KAT2B: variants seen among roughly 807,000 people sequenced by gnomAD.
KAT2B encodes histone acetyltransferase KAT2B.
Under a neutral mutation model 105.9 loss-of-function variants are expected in KAT2B, and 36 were observed. The ratio of observed to expected loss-of-function variants is 0.34; its 90% CI spans 0.26 to 0.45. The LOEUF (loss-of-function observed/expected upper bound fraction) is 0.45. Among genes scored for constraint, KAT2B ranks in the 20% least tolerant of loss-of-function variants. The probability of loss-of-function intolerance (pLI) is 1.00; values close to 1 mark genes in which losing one functional copy is unlikely to be tolerated. For missense variants in KAT2B, 820 were observed against 1,021.6 expected (o/e 0.80, Z 2.69); for synonymous variants, 397 against 377.9 (o/e 1.05, Z -0.59).
At chr3:20,101,169 G>T in intron 4 of KAT2B, 118 bp from the exon 5 acceptor site, 1 of 759,224 alleles carries the variant, frequency 1.3e-6, no homozygotes, top group South Asian at 2.0e-5. Context: ...AGAGATTTTT[G>T]TGAATAGAGA....
At chr3:20,077,520 T>C (rs1698440207) in intron 2 of KAT2B, among the ~76,000 whole-genome samples, 1 of 152,242 alleles carries the variant, frequency 6.6e-6, no homozygotes, top group African/African-American at 2.4e-5. Flanking sequence ...TGAGATATAC[T>C]GTAAGTGTAA....
At chr3:20,046,543 A>C (rs1344394626) in intron 1 of KAT2B, among the ~76,000 whole-genome samples, 1 of 152,186 alleles carries the variant, frequency 6.6e-6, no homozygotes, top group Non-Finnish European at 1.5e-5. Flanking sequence ...AGATCATGCC[A>C]CTGCACTAGA....
chr3:20,111,491 G>A, intron 5 of KAT2B, 105 bp from the exon 6 acceptor site: 1 of 948,448 alleles, frequency 1.1e-6, no homozygotes, highest in Non-Finnish European at 1.6e-6. Context: ...TGCAGGCCTA[G>A]TTTTTTTCTG....
intron 3 of KAT2B, among the ~76,000 whole-genome samples, chr3:20,097,332 T>C (rs1284344692): frequency 3.3e-5 from 5 of 152,256 alleles, no homozygotes; most frequent in Middle Eastern, 6.8e-3. Flanking sequence ...TTAAAGTACA[T>C]CTTCTCTCTC....
At chr3:20,134,567 C>G (rs1699568721) in intron 11 of KAT2B, among the ~76,000 whole-genome samples, 1 of 152,128 alleles carries the variant, frequency 6.6e-6, no homozygotes, top group Non-Finnish European at 1.5e-5. Flanking sequence ...TGCCACCACG[C>G]CCAGCTAATT....
intron 4 of KAT2B, 40 bp from the exon 5 acceptor site, chr3:20,101,247 T>C (rs1698904366): frequency 5.8e-6 from 9 of 1,561,110 alleles, no homozygotes; most frequent in Non-Finnish European, 7.9e-6. Flanking sequence ...TTAGTATGAT[T>C]GCATAGCTGC....
chr3:20,114,906 A>G lies in KAT2B; in HGVS notation c.1068A>G (p.Glu356=). Residue 356 remains glutamate, a synonymous_variant, in exon 7 of 18, where the codon GAA becomes GAG. Transcript: ENST00000263754. ...FPKFLSMLEE[E]VYSQNSPIWD... is the part of the protein sequence containing the mutation. Reference sequence around the variant, plus strand: ...GATTTCTGTCCATGCTAGAAGAAGAAGTATATAGTCAAAACTCTCCCATCT... The same window carrying G: ...GATTTCTGTCCATGCTAGAAGAAGAGGTATATAGTCAAAACTCTCCCATCT... 6.2e-7 allele frequency: 1 copy of G among 1,608,744 alleles called. No homozygotes were observed. The highest frequency in any genetic ancestry group is 8.5e-7 in the Non-Finnish European group (1 of 1,175,346).
intron 4 of KAT2B, among the ~76,000 whole-genome samples, chr3:20,100,642 T>A (rs895401889): frequency 5.3e-5 from 8 of 152,228 alleles, no homozygotes; most frequent in Non-Finnish European, 8.8e-5. Flanking sequence ...CAGTTTTCAG[T>A]AAATTTTATT....
chr3:20,077,990 C>CA (rs888612113), intron 2 of KAT2B, among the ~76,000 whole-genome samples: 14 of 152,128 alleles, frequency 9.2e-5, no homozygotes, highest in Admixed American at 7.2e-4. Context: ...TCTTGGGCAA[C>CA]ATGGCGAAAC....
intron 1 of KAT2B, among the ~76,000 whole-genome samples, chr3:20,047,213 C>A (rs1185417155): frequency 1.3e-5 from 2 of 151,534 alleles, no homozygotes; most frequent in Admixed American, 6.6e-5. Context: ...GCGCACGTCA[C>A]CATGGCCGGC....
chr3:20,123,224 T>C (rs921694622), intron 9 of KAT2B, among the ~76,000 whole-genome samples: 2 of 152,140 alleles, frequency 1.3e-5, no homozygotes, highest in Admixed American at 1.3e-4. Flanking sequence ...CCATGAACCA[T>C]TTGGAACCAT....
chr3:20,041,996 T>G (rs1033846322), intron 1 of KAT2B, among the ~76,000 whole-genome samples: 9 of 152,248 alleles, frequency 5.9e-5, no homozygotes, highest in African/African-American at 2.2e-4. Context: ...AGCACCTCTG[T>G]ATCCTACACT....
chr3:20,080,616 A>C (rs188821811), intron 2 of KAT2B, among the ~76,000 whole-genome samples: 1 of 152,304 alleles, frequency 6.6e-6, no homozygotes, highest in Admixed American at 6.5e-5. Flanking sequence ...TAATGGTAAA[A>C]TGAGGGCTGG....
chr3:20,149,495 C>CAAA (rs56091316), intron 17 of KAT2B, among the ~76,000 whole-genome samples: 667 of 42,420 alleles, frequency 0.016, 67 homozygotes, highest in African/African-American at 0.077. Context: ...GACCGTATCT[C>CAAA]AAAAAAAAAA....
At chr3:20,087,060 G>A (rs1382936308) in intron 2 of KAT2B, among the ~76,000 whole-genome samples, 2 of 152,180 alleles carry the variant, frequency 1.3e-5, no homozygotes, top group Non-Finnish European at 1.5e-5. Context: ...GATAACAGGC[G>A]TGAGCCACTG....
chr3:20,088,927 G>T (rs949602051), intron 2 of KAT2B, among the ~76,000 whole-genome samples: 2 of 152,142 alleles, frequency 1.3e-5, no homozygotes, highest in African/African-American at 4.8e-5. Context: ...TATGGTATGA[G>T]ATAAGGGTCT....
Position 20,154,179 on chromosome 3 carries a change from ATAGAG to A in KAT2B, c.*1657_*1661del, listed in dbSNP as rs1004634374. On this transcript the variant is annotated 3_prime_UTR_variant, in exon 18 of 18. Transcript: ENST00000263754. ...TGTTATTTTCTGAGTAGACATTCTTATAGAGTATTGTCTTTAAAATCAGATTGTCT... is the reference window on the plus strand; with the variant it reads ...TGTTATTTTCTGAGTAGACATTCTTATATTGTCTTTAAAATCAGATTGTCT... 1 of 152,618 alleles carries A rather than the reference ATAGAG, an allele frequency of 6.6e-6. No homozygotes were observed. Among genetic ancestry groups the A allele is most frequent in the Non-Finnish European group, 1.5e-5 (1 of 68,018 alleles). 9.5% of individuals were successfully genotyped at this position (152,618 alleles called of 1,614,324 possible). A position where few individuals can be genotyped will look rare whatever the true frequency, so the allele number is the denominator to read the frequency against.
chr3:20,145,650 CAA>C (rs1194876132), intron 13 of KAT2B, among the ~76,000 whole-genome samples: 4 of 131,192 alleles, frequency 3.0e-5, no homozygotes, highest in Non-Finnish European at 6.2e-5. Flanking sequence ...ACAAAACAAA[CAA>C]AACATCTCTC....
At chr3:20,063,534 CTTTTTTTTTTTT>C (rs36058009) in intron 1 of KAT2B, among the ~76,000 whole-genome samples, 9,358 of 88,472 alleles carry the variant, frequency 0.11, 591 homozygotes, top group East Asian at 0.25. Flanking sequence ...GAGTAGGCCT[CTTTTTTTTTTTT>C]TTTTTTTTTT....
Sources: gnomAD v4.1 joint callset for allele counts (sites outside exome capture counted in the v4.1 genomes callset) on GRCh38, gnomAD v4.1.1 for gene constraint, MANE v1.5 for transcripts, NCBI Gene and HGNC (gene_info 2026-07-23, HGNC 2026-07-21) for gene names.